Variants in SPTB observed in about 807,000 individuals in gnomAD.
SPTB encodes spectrin beta, erythrocytic.
SPTB carries 45 observed loss-of-function variants against 256.2 expected under a neutral mutation model. The ratio of observed to expected loss-of-function variants is 0.18; its 90% CI spans 0.14 to 0.23. The LOEUF is 0.23. Ranked by LOEUF, SPTB falls within the 10% of genes least tolerant of loss-of-function variation. SPTB has a pLI of 1.00. For synonymous variants in SPTB, 1,231 were observed against 1,243.1 expected (o/e 0.99, Z 0.21); for missense variants, 2,715 against 3,040.4 (o/e 0.89, Z 2.52).
At chr14:64,768,970 C>T (rs886509748) in intron 29 of SPTB, 64 bp downstream of exon 29, 2 of 1,329,258 alleles carry the variant, frequency 1.5e-6, no homozygotes, top group Admixed American at 1.7e-5. Flanking sequence ...GTGGCACCTC[C>T]CCATTCCCCT....
intron 4 of SPTB, among the ~76,000 whole-genome samples, chr14:64,803,291 C>G (rs1265865944): frequency 6.6e-6 from 1 of 152,108 alleles, no homozygotes; most frequent in African/African-American, 2.4e-5. Flanking sequence ...TTTCAAAAAC[C>G]AAGAAGTTAC....
chr14:64,812,483 C>T (rs1048357479), intron 2 of SPTB, among the ~76,000 whole-genome samples: 1 of 152,162 alleles, frequency 6.6e-6, no homozygotes, highest in Non-Finnish European at 1.5e-5. Flanking sequence ...TCTACCTCCT[C>T]GACACCCACA....
rs1404681447 is a variant in SPTB, at chr14:64,787,138, C to G, written c.2827G>C (p.Val943Leu). The change falls in exon 16 of 36, where the codon GTG becomes CTG. Residue 943 changes from valine (V) to leucine (L), a missense_variant. Physicochemically the swap from Val to Leu is conservative, Grantham distance 32. This residue lies in a region of SPTB where 2,239 missense variants were observed against 2,384.4 expected (regional missense o/e 0.94). Transcript: ENST00000644917. ...NTRWQAFQTL[V>L]SERREAVDSA... is the part of the protein sequence containing the mutation. ...TCCACAGCCTCCCGCCGCTCCGACA[C>G]CAGGGTCTGAAATGCCTGCCACCTG... 2 of 1,606,994 alleles carry G rather than the reference C, an allele frequency of 1.2e-6. No homozygotes were observed. Among genetic ancestry groups the G allele is most frequent in the Non-Finnish European group, 1.7e-6 (2 of 1,179,990 alleles).
intron 20 of SPTB, among the ~76,000 whole-genome samples, chr14:64,781,322 A>T (rs1279792635): frequency 6.6e-6 from 1 of 152,238 alleles, no homozygotes; most frequent in Non-Finnish European, 1.5e-5. Context: ...CAAACTATGA[A>T]TCTGACAAGG....
intron 1 of SPTB, among the ~76,000 whole-genome samples, chr14:64,830,524 G>T (rs906903285): frequency 6.6e-6 from 1 of 151,970 alleles, no homozygotes; most frequent in South Asian, 2.1e-4. Flanking sequence ...CACGCACTCA[G>T]TTATCCCATG....
At chr14:64,854,877 C>G (rs1225952316) in intron 1 of SPTB, among the ~76,000 whole-genome samples, 1 of 152,198 alleles carries the variant, frequency 6.6e-6, no homozygotes, top group African/African-American at 2.4e-5. Context: ...AGAAACTCCC[C>G]TACAAATGAG....
rs2082138221 is a variant in SPTB, at chr14:64,764,543, C to T, written c.6345+2183G>A. Among the ~76,000 whole-genome samples, 1 of 152,246 alleles carries T rather than the reference C, an allele frequency of 6.6e-6. No individual in the cohort carries two copies. The highest frequency in any genetic ancestry group is 2.4e-5 in the African/African-American group (1 of 41,460). ...TCACTTCTTCCCCCAAAGAGATCAT[C>T]AGGTCCAAACAGGTTTTATTCCCCC... On this transcript the variant is annotated intron_variant, in intron 32 of 35. Transcript: ENST00000644917. The surrounding 1 kb of genome is among the most constrained non-coding windows in gnomAD (Gnocchi z 4.2).
chr14:64,765,021 T>C (rs2082145272), intron 32 of SPTB, among the ~76,000 whole-genome samples: 1 of 101,800 alleles, frequency 9.8e-6, no homozygotes, highest in South Asian at 3.3e-4. Context: ...CAGAGGAGTG[T>C]GTGCGTGTGT....
At chr14:64,766,897 G>A (rs1175433684) in intron 31 of SPTB, 96 bp from the exon 32 acceptor site, 16 of 1,425,430 alleles carry the variant, frequency 1.1e-5, no homozygotes, top group Middle Eastern at 2.2e-4. Context: ...ACAGGGAGGA[G>A]CACCAAATAG....
In SPTB at chr14:64,795,378, G is replaced by T. The variant is rs573438233; in HGVS notation, c.1603C>A (p.Gln535Lys). Residue 535 changes from glutamine to lysine, a missense_variant, in exon 12 of 36, where the codon CAG becomes AAG. Physicochemically the swap from Gln to Lys is moderately conservative, Grantham distance 53. Coordinates refer to ENST00000644917, the MANE Select transcript of SPTB (RefSeq NM_001355436.2). The surrounding 1 kb of genome is among the most constrained non-coding windows in gnomAD (Gnocchi z 6.5). Reference protein sequence around the residue: ...ETTLALQKLFQDMLHSIDWMD... With the variant: ...ETTLALQKLFKDMLHSIDWMD... ...CAGTCGATGCTGTGCAGCATGTCCT[G>T]GAAGAGCTTCTGCAGTGCCAGGGTG... 3.7e-5 allele frequency: 60 copies of T among 1,613,596 alleles called. No homozygotes were observed. In the Admixed American group the frequency reaches 6.7e-4, roughly 18 times the overall value.
At chr14:64,761,145 G>A (rs766400715) in intron 32 of SPTB, among the ~76,000 whole-genome samples, 3 of 152,170 alleles carry the variant, frequency 2.0e-5, no homozygotes, top group African/African-American at 4.8e-5. Flanking sequence ...CAGCCAAGAA[G>A]TGACTCTGGC....
In SPTB at chr14:64,766,480, T is replaced by C. The variant is rs563063051; in HGVS notation, c.6345+246A>G. On this transcript the variant is annotated intron_variant, in intron 32 of 35. Coordinates refer to ENST00000644917, the MANE Select transcript of SPTB (RefSeq NM_001355436.2). ...AGGTAAAACAAAACTAATAACGTCA[T>C]GTCACTGGGCTGGCCTGTTTCCTCT... 4.3e-5 allele frequency: 61 copies of C among 1,433,556 alleles called. No homozygotes were observed. The African/African-American group carries it at 8.2e-4, about 19-fold the overall frequency. 88.8% of individuals were successfully genotyped at this position (1,433,556 alleles called of 1,614,324 possible).
chr14:64,850,837 T>C (rs776406596), intron 1 of SPTB, among the ~76,000 whole-genome samples: 2 of 152,210 alleles, frequency 1.3e-5, no homozygotes, highest in Non-Finnish European at 2.9e-5. Context: ...TTCTGAAGTA[T>C]AGTGACAGCC....
Position 64,823,172 on chromosome 14 carries a change from G to T in SPTB, c.-51-27C>A. 5.1e-6 allele frequency: 8 copies of T among 1,565,380 alleles called. No individual in the cohort carries two copies. The highest frequency in any genetic ancestry group is 6.2e-6 in the Non-Finnish European group (7 of 1,136,746). On this transcript the variant is annotated intron_variant, in intron 1 of 35. Transcript: ENST00000644917. This position sits in a 1 kb window ranked among gnomAD's most constrained non-coding sequence, Gnocchi z 6.5. ...TGGGGGACAGCAACACAGTCAGAGG[G>T]TTATCTCTCTACCCCCTCGGACTTT...
In SPTB at chr14:64,775,211, C is replaced by T. The variant is rs1421537038; in HGVS notation, c.4756G>A (p.Ala1586Thr). 5.0e-6 allele frequency: 8 copies of T among 1,613,776 alleles called. No individual in the cohort carries two copies. Among genetic ancestry groups the T allele is most frequent in the South Asian group, 4.4e-5 (4 of 91,094 alleles). Reference sequence around the variant, plus strand: ...TCTGCATCCAGGTAGTACTGCTGTGCCTCGTTGGCGTCCCTCAGTCGCTGC... The same window carrying T: ...TCTGCATCCAGGTAGTACTGCTGTGTCTCGTTGGCGTCCCTCAGTCGCTGC... Reference protein sequence around the residue: ...RLQRLRDANEAQQYYLDADEA... With the variant: ...RLQRLRDANETQQYYLDADEA... Residue 1586 changes from alanine to threonine, a missense_variant, in exon 23 of 36, where the codon GCA becomes ACA. By Grantham distance (58) the Ala-to-Thr change is moderately conservative. Coordinates refer to ENST00000644917, the MANE Select transcript of SPTB (RefSeq NM_001355436.2). The surrounding 1 kb of genome is among the most constrained non-coding windows in gnomAD (Gnocchi z 5.0).
At chr14:64,794,413 G>A (rs2082729591) in intron 13 of SPTB, 54 bp downstream of exon 13, 2 of 1,609,206 alleles carry the variant, frequency 1.2e-6, no homozygotes, top group Admixed American at 3.3e-5. Flanking sequence ...TGTTAGGCCA[G>A]AGGTGAGGCT....
At chr14:64,789,249 G>C (rs978843250) in intron 15 of SPTB, among the ~76,000 whole-genome samples, 3 of 152,194 alleles carry the variant, frequency 2.0e-5, no homozygotes, top group African/African-American at 7.2e-5. Flanking sequence ...CTACACAGGA[G>C]ACTGAGATGG....
intron 29 of SPTB, 135 bp downstream of exon 29, chr14:64,768,899 T>G (rs1186397361): frequency 6.3e-6 from 5 of 797,082 alleles, no homozygotes. Flanking sequence ...GCCCCAGAGC[T>G]TTGCTGAAGA....
At chr14:64,761,176 G>C (rs934286920) in intron 32 of SPTB, among the ~76,000 whole-genome samples, 1 of 152,148 alleles carries the variant, frequency 6.6e-6, no homozygotes, top group Non-Finnish European at 1.5e-5. Context: ...TGTTGCCCTC[G>C]CCCGGTGTCT....
Sources: gnomAD v4.1 joint callset for allele counts (sites outside exome capture counted in the v4.1 genomes callset) on GRCh38, gnomAD v4.1.1 for gene constraint, gnomAD v4.1.1 regional missense constraint, Gnocchi (gnomAD v3.1) non-coding constraint, MANE v1.5 for transcripts, NCBI Gene and HGNC (gene_info 2026-07-23, HGNC 2026-07-21) for gene names.